Variants in SHCBP1L observed in about 807,000 individuals in gnomAD.
SHCBP1L encodes testicular spindle-associated protein SHCBP1L.
SHCBP1L carries 67 observed loss-of-function variants against 62.5 expected under a neutral mutation model. The ratio of observed to expected loss-of-function variants is 1.07; its 90% CI spans 0.88 to 1.31. The LOEUF (loss-of-function observed/expected upper bound fraction) is 1.31. Ranked by LOEUF, SHCBP1L falls within the 40% of genes most tolerant of loss-of-function variation. The pLI is 0.00. For missense variants in SHCBP1L, 823 were observed against 809.8 expected, an observed-to-expected ratio of 1.02 and a Z score of -0.20; for synonymous variants, 284 against 289.4, an observed-to-expected ratio of 0.98 and a Z score of 0.19.
At chr1:182,933,174 G>A (rs566966735) in intron 5 of SHCBP1L, among the ~76,000 whole-genome samples, 9 of 152,274 alleles carry the variant, frequency 5.9e-5, no homozygotes, top group African/African-American at 2.2e-4. Context: ...AAAGTGCTGG[G>A]ATTACAGGCA....
At chr1:182,905,457 C>T (rs1018773709) in intron 7 of SHCBP1L, 39 bp downstream of exon 7, 3 of 1,599,126 alleles carry the variant, frequency 1.9e-6, no homozygotes, top group South Asian at 1.1e-5. Flanking sequence ...GTCCAGTATA[C>T]ATTGCTGTAA....
At chr1:182,910,983 G>A (rs577061272) in intron 6 of SHCBP1L, among the ~76,000 whole-genome samples, 2 of 151,854 alleles carry the variant, frequency 1.3e-5, no homozygotes, top group East Asian at 1.9e-4. Flanking sequence ...TCTTCCTCCC[G>A]GGTTCAAGCG....
chr1:182,948,649 A>G (rs1028499920), intron 2 of SHCBP1L, among the ~76,000 whole-genome samples: 1 of 152,200 alleles, frequency 6.6e-6, no homozygotes, highest in Non-Finnish European at 1.5e-5. Context: ...GAGTTGTAAG[A>G]TAATAAATTT....
At chr1:182,916,198 A>G (rs1025803914) in intron 6 of SHCBP1L, among the ~76,000 whole-genome samples, 3 of 152,214 alleles carry the variant, frequency 2.0e-5, no homozygotes, top group Non-Finnish European at 2.9e-5. Flanking sequence ...AAAACACAAC[A>G]TACCAAAATT....
chr1:182,900,104 G>A lies in SHCBP1L; in HGVS notation c.1841C>T (p.Ser614Phe). Residue 614 changes from serine (S) to phenylalanine (F), a missense_variant, in exon 10 of 10, where the codon TCT becomes TTT. Transcript: ENST00000367547. ...TTTATCATCTTTTTTATCTCCTGAA[G>A]AAGCCCTTTTGTTGAGAGCTTCTTC... Reference protein sequence around the residue: ...VAEEALNKRASSGDKKDDKML... With the variant: ...VAEEALNKRAFSGDKKDDKML... The A allele has an allele frequency of 1.2e-6, 2 of 1,612,470 alleles. No individual in the cohort carries two copies. The highest frequency in any genetic ancestry group is 1.7e-6 in the Non-Finnish European group (2 of 1,179,200).
chr1:182,952,558 A>T, intron 1 of SHCBP1L, 171 bp downstream of exon 1: 1 of 735,696 alleles, frequency 1.4e-6, no homozygotes, highest in Non-Finnish European at 2.1e-6. Context: ...GGACGCGGGC[A>T]CCTCTAACAA....
At chr1:182,935,294 G>A (rs1032392773) in intron 5 of SHCBP1L, among the ~76,000 whole-genome samples, 2 of 152,084 alleles carry the variant, frequency 1.3e-5, no homozygotes, top group Non-Finnish European at 2.9e-5. Flanking sequence ...AAAATATTGG[G>A]TCTTCCAATC....
intron 5 of SHCBP1L, among the ~76,000 whole-genome samples, chr1:182,934,731 G>A (rs928001028): frequency 2.6e-5 from 4 of 151,972 alleles, no homozygotes; most frequent in South Asian, 2.1e-4. Flanking sequence ...CAGTATTGTT[G>A]TGGTACCTAA....
chr1:182,904,527 C>CTGTG (rs1239198613), intron 7 of SHCBP1L, 97 bp from the exon 8 acceptor site: 9 of 1,213,362 alleles, frequency 7.4e-6, no homozygotes, highest in African/African-American at 4.9e-5. Context: ...AAGTTTTTCC[C>CTGTG]TGTGTGCGTG....
Position 182,952,917 on chromosome 1 carries a change from G to A in SHCBP1L, c.217C>T (p.Leu73=), listed in dbSNP as rs1651836933. 6.4e-7 allele frequency: 1 copy of A among 1,566,642 alleles called. No homozygotes were observed. The highest frequency in any genetic ancestry group is 1.4e-5 in the African/African-American group (1 of 73,656). The change falls in exon 1 of 10, where the codon CTG becomes TTG. Residue 73 remains leucine (L), a synonymous_variant. Transcript: ENST00000367547. ...RETARLRLQR[L]PAAQAEDTGE... is the part of the protein sequence containing the mutation. Reference sequence around the variant, plus strand: ...GTGTCCTCGGCCTGAGCCGCGGGCAGGCGCTGGAGCCGCAGCCTGGCCGTC... The same window carrying A: ...GTGTCCTCGGCCTGAGCCGCGGGCAAGCGCTGGAGCCGCAGCCTGGCCGTC...
intron 5 of SHCBP1L, among the ~76,000 whole-genome samples, chr1:182,934,755 A>G (rs1651113449): frequency 6.6e-6 from 1 of 152,130 alleles, no homozygotes; most frequent in Admixed American, 6.5e-5. Context: ...CCCACTGCCA[A>G]ACACAAGATT....
intron 6 of SHCBP1L, among the ~76,000 whole-genome samples, chr1:182,910,447 G>GTAGT (rs1486069587): frequency 6.6e-6 from 1 of 152,168 alleles, no homozygotes; most frequent in African/African-American, 2.4e-5. Context: ...GACCTATCTG[G>GTAGT]TAGTTCTCTG....
intron 6 of SHCBP1L, among the ~76,000 whole-genome samples, chr1:182,928,053 A>G (rs1054042942): frequency 6.6e-6 from 1 of 152,222 alleles, no homozygotes; most frequent in African/African-American, 2.4e-5. Flanking sequence ...ATGTTAGTGG[A>G]ATAATCAACA....
At chr1:182,942,794 AGAGTT>A (rs1399373105) in intron 2 of SHCBP1L, among the ~76,000 whole-genome samples, 1 of 152,206 alleles carries the variant, frequency 6.6e-6, no homozygotes, top group African/African-American at 2.4e-5. Flanking sequence ...ATTTTTCGGT[AGAGTT>A]ATGTCACAAA....
chr1:182,940,831 AGT>A (rs796801883), intron 2 of SHCBP1L, among the ~76,000 whole-genome samples: 20 of 151,380 alleles, frequency 1.3e-4, no homozygotes, highest in African/African-American at 2.4e-4. Flanking sequence ...TTCATAAAAC[AGT>A]GTGTGTGTGT....
rs1226024113 is a variant in SHCBP1L, at chr1:182,904,360, A to G, written c.1407T>C (p.Ala469=). 9 of 1,614,038 alleles carry G rather than the reference A, an allele frequency of 5.6e-6. No individual in the cohort carries two copies. The African/African-American group carries it at 1.2e-4, about 22-fold the overall frequency. Residue 469 remains alanine (A), a synonymous_variant, in exon 8 of 10, where the codon GCT becomes GCC. Transcript: ENST00000367547. ...ATAGATGCATTAGTTTCACATTGTC[A>G]GCTTTGGACACCACAAAACTGTCAC... is the stretch of plus-strand genomic sequence containing the variant. ...PSRDSFVVSK[A]DNVKLMHLSL...
At chr1:182,903,332 T>C (rs1324908689) in intron 8 of SHCBP1L, among the ~76,000 whole-genome samples, 171 bp from the exon 9 acceptor site, 2 of 152,194 alleles carry the variant, frequency 1.3e-5, no homozygotes, top group Non-Finnish European at 2.9e-5. Flanking sequence ...TTTAAAAATA[T>C]TGAAAATTTA....
At chr1:182,950,759 T>G (rs1198717611) in intron 2 of SHCBP1L, 1 of 152,244 alleles carries the variant, frequency 6.6e-6, no homozygotes, top group African/African-American at 2.4e-5. Context: ...GGTACTTTTT[T>G]TTTTTGAGAC....
At chr1:182,901,937 T>C (rs973141070) in intron 9 of SHCBP1L, among the ~76,000 whole-genome samples, 3 of 152,096 alleles carry the variant, frequency 2.0e-5, no homozygotes, top group Non-Finnish European at 4.4e-5. Context: ...CATGCTAACA[T>C]TCAAGGACCA....
Sources: gnomAD v4.1 joint callset for allele counts (sites outside exome capture counted in the v4.1 genomes callset) on GRCh38, gnomAD v4.1.1 for gene constraint, MANE v1.5 for transcripts, NCBI Gene and HGNC (gene_info 2026-07-23, HGNC 2026-07-21) for gene names.